Variants in NCOA2 observed in about 807,000 individuals in gnomAD.
The protein encoded by NCOA2 is nuclear receptor coactivator 2.
Under a neutral mutation model 145.1 loss-of-function variants are expected in NCOA2, and 21 were observed. The ratio of observed to expected loss-of-function variants is 0.14; its 90% CI spans 0.10 to 0.21. The LOEUF (loss-of-function observed/expected upper bound fraction) is 0.21, where lower values mean the gene tolerates loss of function less well. Ranked by LOEUF, NCOA2 falls within the 10% of genes least tolerant of loss-of-function variation. The pLI, the probability that NCOA2 is intolerant of heterozygous loss-of-function variation, is 1.00. For synonymous variants in NCOA2, 619 were observed against 637.5 expected, an observed-to-expected ratio of 0.97 and a Z score of 0.44; for missense variants, 1,472 against 1,837.6, an observed-to-expected ratio of 0.80 and a Z score of 3.64.
chr8:70,298,733 T>C (rs1005279592), intron 1 of NCOA2, among the ~76,000 whole-genome samples: 5 of 152,186 alleles, frequency 3.3e-5, no homozygotes, highest in African/African-American at 7.2e-5. Context: ...TAAGCTACCA[T>C]AACATGAGGC....
intron 1 of NCOA2, among the ~76,000 whole-genome samples, chr8:70,369,053 C>T (rs1287323974): frequency 6.6e-6 from 1 of 152,212 alleles, no homozygotes; most frequent in Non-Finnish European, 1.5e-5. Flanking sequence ...TTAACTACTT[C>T]ATTATACATT....
rs934745622 is a variant in NCOA2, at chr8:70,111,425, G to A, written c.*2207C>T. ...GGTCACACTGAATTGTATGCCACAT[G>A]AGCCTCAGCCCACGGGGAGGTCCTG... On this transcript the variant is annotated 3_prime_UTR_variant, in exon 23 of 23. Transcript: ENST00000452400. 9 of 220,254 alleles carry A rather than the reference G, an allele frequency of 4.1e-5. No homozygotes were observed. In the South Asian group the frequency reaches 1.1e-3, roughly 27 times the overall value. 13.6% of individuals were successfully genotyped at this position (220,254 alleles called of 1,614,324 possible).
At chr8:70,238,203 G>A (rs947223018) in intron 2 of NCOA2, among the ~76,000 whole-genome samples, 5 of 152,150 alleles carry the variant, frequency 3.3e-5, no homozygotes, top group Non-Finnish European at 5.9e-5. Context: ...GGAAACATAC[G>A]TAGGTGAGAA....
chr8:70,178,579 G>A (rs1815122103), intron 4 of NCOA2, among the ~76,000 whole-genome samples: 1 of 152,178 alleles, frequency 6.6e-6, no homozygotes, highest in Non-Finnish European at 1.5e-5. Flanking sequence ...CACTGTCTGT[G>A]CAGGGGAAGC....
At chr8:70,447,660 T>C in the NCOA2 span, among the ~76,000 whole-genome samples, 585 of 150,812 alleles carry the variant, frequency 3.9e-3, 6 homozygotes, top group African/African-American at 0.014. Flanking sequence ...GAAATGGCCA[T>C]CATTTCTTAG....
chr8:70,242,798 C>A (rs182337902), intron 2 of NCOA2, among the ~76,000 whole-genome samples: 1 of 152,212 alleles, frequency 6.6e-6, no homozygotes, highest in African/African-American at 2.4e-5. Context: ...TTTTACAACA[C>A]TGAATACTAA....
At chr8:70,401,519 AG>A (rs1814245558) in intron 1 of NCOA2, among the ~76,000 whole-genome samples, 1 of 152,238 alleles carries the variant, frequency 6.6e-6, no homozygotes, top group African/African-American at 2.4e-5. Flanking sequence ...GTTTGCAAAA[AG>A]AAAAAAAAAT....
chr8:70,179,269 G>C (rs886633619), intron 4 of NCOA2, among the ~76,000 whole-genome samples: 1 of 152,140 alleles, frequency 6.6e-6, no homozygotes, highest in Non-Finnish European at 1.5e-5. Context: ...ATAATATGAA[G>C]TGATAGAAAA....
At chr8:70,243,888 G>A (rs1157216025) in intron 2 of NCOA2, among the ~76,000 whole-genome samples, 1 of 150,970 alleles carries the variant, frequency 6.6e-6, no homozygotes, top group Non-Finnish European at 1.5e-5. Context: ...TATGTAAAGT[G>A]CCAGTGTTGT....
chr8:70,207,862 C>CAAAAAAAAAAAAAAAAAAAA (rs754670876), intron 4 of NCOA2, among the ~76,000 whole-genome samples: 2 of 36,176 alleles, frequency 5.5e-5, no homozygotes, highest in African/African-American at 1.1e-4. Flanking sequence ...GACTCCACCT[C>CAAAAAAAAAAAAAAAAAAAA]AAAAAAAAAA....
chr8:70,326,439 ACACACACACACGTG>A (rs1018224901), intron 1 of NCOA2, among the ~76,000 whole-genome samples: 1 of 149,042 alleles, frequency 6.7e-6, no homozygotes, highest in Non-Finnish European at 1.5e-5. Context: ...TCACACACAC[ACACACACACACGTG>A]CACACACACA....
At chr8:70,330,081 C>T (rs967222617) in intron 1 of NCOA2, among the ~76,000 whole-genome samples, 3 of 152,090 alleles carry the variant, frequency 2.0e-5, no homozygotes, top group Non-Finnish European at 2.9e-5. Context: ...TTACCACTTC[C>T]AACTGCCTTA....
chr8:70,124,190 G>A (rs191197197), intron 20 of NCOA2, 108 bp from the exon 21 acceptor site: 9 of 1,021,700 alleles, frequency 8.8e-6, no homozygotes, highest in Middle Eastern at 2.8e-4. Context: ...GAATAAACCT[G>A]AACTGCATGA....
chr8:70,243,875 T>C (rs1822381808), intron 2 of NCOA2, among the ~76,000 whole-genome samples: 1 of 151,976 alleles, frequency 6.6e-6, no homozygotes, highest in African/African-American at 2.4e-5. Flanking sequence ...CAAGTTGTTT[T>C]TCTATGTAAA....
chr8:70,361,625 T>C (rs1470887671), intron 1 of NCOA2, among the ~76,000 whole-genome samples: 1 of 152,224 alleles, frequency 6.6e-6, no homozygotes, highest in African/African-American at 2.4e-5. Context: ...CTCCTACCAT[T>C]ATTCAAAAGA....
chr8:70,195,268 G>A (rs1208229922), intron 4 of NCOA2, among the ~76,000 whole-genome samples: 1 of 152,208 alleles, frequency 6.6e-6, no homozygotes, highest in Non-Finnish European at 1.5e-5. Context: ...TAATTACAGG[G>A]AAGGGTGTCT....
intron 7 of NCOA2, among the ~76,000 whole-genome samples, chr8:70,164,776 T>C (rs554145581): frequency 5.3e-5 from 8 of 152,028 alleles, no homozygotes; most frequent in East Asian, 3.9e-4. Context: ...AATGCAATTA[T>C]AGTCCTCAAG....
chr8:70,431,904 T>C, the NCOA2 span, among the ~76,000 whole-genome samples: 2 of 152,238 alleles, frequency 1.3e-5, no homozygotes, highest in African/African-American at 2.4e-5. Context: ...GATACAGACG[T>C]ATTTTCAAAT....
At chr8:70,375,691 G>A (rs1023968977) in intron 1 of NCOA2, among the ~76,000 whole-genome samples, 2 of 152,140 alleles carry the variant, frequency 1.3e-5, no homozygotes, top group Non-Finnish European at 2.9e-5. Flanking sequence ...AACCTGGTTA[G>A]AGTTCCACAA....
Sources: allele counts gnomAD v4.1 joint callset (sites outside exome capture counted in the v4.1 genomes callset), GRCh38; gene constraint gnomAD v4.1.1; transcripts MANE v1.5; gene names NCBI Gene and HGNC (gene_info 2026-07-23, HGNC 2026-07-21).